RERG: variants seen among roughly 807,000 people sequenced by gnomAD.
RERG encodes the protein RAS like estrogen regulated growth inhibitor.
A neutral mutation model predicts 23.2 loss-of-function variants in RERG; 25 were observed. The ratio of observed to expected loss-of-function variants is 1.08; its 90% CI spans 0.79 to 1.50. RERG has a LOEUF of 1.50. Among genes scored for constraint, RERG ranks in the 40% most tolerant of loss-of-function variants. RERG has a pLI of 0.00. For missense variants in RERG, 253 were observed against 250.1 expected (o/e 1.01, Z -0.08); for synonymous variants, 81 against 89.1 (o/e 0.91, Z 0.51).
At chr12:15,161,034 T>C (rs1591652954) in intron 2 of RERG, among the ~76,000 whole-genome samples, 1 of 151,272 alleles carries the variant, frequency 6.6e-6, no homozygotes, top group African/African-American at 2.4e-5. Context: ...ACCCGGGAGG[T>C]TGAGGCATGA....
At chr12:15,217,394 C>G in intron 2 of RERG, 35 bp downstream of exon 2, 1 of 1,440,830 alleles carries the variant, frequency 6.9e-7, no homozygotes, top group Non-Finnish European at 9.8e-7. Flanking sequence ...CTCACCCACA[C>G]ACACACACTA....
At chr12:15,128,858 C>T (rs1863993030) in intron 2 of RERG, among the ~76,000 whole-genome samples, 1 of 152,188 alleles carries the variant, frequency 6.6e-6, no homozygotes, top group Admixed American at 6.5e-5. Context: ...CCTGTCAAAT[C>T]AAGCCTCCAA....
At chr12:15,166,523 ATGGTGG>A (rs148048968) in intron 2 of RERG, among the ~76,000 whole-genome samples, 2 of 148,838 alleles carry the variant, frequency 1.3e-5, no homozygotes, top group East Asian at 3.9e-4. Context: ...GATGGTGGTG[ATGGTGG>A]TGGTGGTGGT....
chr12:15,153,603 T>C (rs1435657315), intron 2 of RERG, among the ~76,000 whole-genome samples: 3 of 152,094 alleles, frequency 2.0e-5, no homozygotes, highest in African/African-American at 7.2e-5. Flanking sequence ...TTTTATAATA[T>C]AAAGAAAAAG....
intron 2 of RERG, among the ~76,000 whole-genome samples, chr12:15,204,324 G>A (rs1038563019): frequency 6.6e-6 from 1 of 151,716 alleles, no homozygotes; most frequent in African/African-American, 2.4e-5. Context: ...AAAAAGGATA[G>A]TCTCTGCAAC....
chr12:15,112,045 A>G (rs1863629552), intron 3 of RERG, among the ~76,000 whole-genome samples: 1 of 152,218 alleles, frequency 6.6e-6, no homozygotes. Context: ...TTTTCCTTCT[A>G]TAATGAGACC....
At chr12:15,201,212 T>C (rs1463049409) in intron 2 of RERG, among the ~76,000 whole-genome samples, 1 of 151,820 alleles carries the variant, frequency 6.6e-6, no homozygotes, top group Non-Finnish European at 1.5e-5. Context: ...CTAAGTAACA[T>C]GGAAGAGAGG....
chr12:15,139,014 CTTTTTTTTTT>C (rs34755371), intron 2 of RERG, among the ~76,000 whole-genome samples: 19 of 51,116 alleles, frequency 3.7e-4, no homozygotes, highest in East Asian at 1.2e-3. Flanking sequence ...TGTGTCTAGA[CTTTTTTTTTT>C]TTTTTTTTTT....
rs755735884 is a variant in RERG at position 15,109,414 on chromosome 12, T to A, written c.296A>T (p.Lys99Met). ...RGSFEEVLPL[K>M]NILDEIKKPK... The stretch of plus-strand genomic sequence containing the variant: ...CTTTTTGATCTCATCTAGGATGTTC[T>A]TAAGTGGCAGCACTTCCTCAAAACT... Residue 99 changes from lysine (K) to methionine (M), a missense_variant, in exon 5 of 5, where the codon AAG becomes ATG. By Grantham distance (95) the Lys-to-Met change is moderately conservative. Transcript: ENST00000256953. 5 of 1,614,098 alleles carry A rather than the reference T, an allele frequency of 3.1e-6. No individual in the cohort carries two copies. In the South Asian group the frequency reaches 4.4e-5, roughly 14 times the overall value.
At chr12:15,172,306 GAGTA>G (rs992763682) in intron 2 of RERG, among the ~76,000 whole-genome samples, 4 of 152,046 alleles carry the variant, frequency 2.6e-5, no homozygotes, top group Non-Finnish European at 4.4e-5. Flanking sequence ...TAGCATGTTT[GAGTA>G]AGTATTTCTT....
chr12:15,138,013 A>G (rs1864173981), intron 2 of RERG: 2 of 329,680 alleles, frequency 6.1e-6, no homozygotes, highest in Non-Finnish European at 1.2e-5. Context: ...TTCACTTTTG[A>G]AGAGTAATTT....
At chr12:15,110,550 C>T (rs1202968810) in intron 4 of RERG, among the ~76,000 whole-genome samples, 4 of 134,914 alleles carry the variant, frequency 3.0e-5, no homozygotes, top group Non-Finnish European at 6.1e-5. Flanking sequence ...GCGATCTTGG[C>T]TCGCTGCAAG....
At chr12:15,203,697 T>A (rs1411604368) in intron 2 of RERG, among the ~76,000 whole-genome samples, 1 of 151,766 alleles carries the variant, frequency 6.6e-6, no homozygotes, top group South Asian at 2.1e-4. Flanking sequence ...CTCTTAGAAC[T>A]AATAAATGAA....
chr12:15,129,074 G>A (rs914955255), intron 2 of RERG, among the ~76,000 whole-genome samples: 18 of 152,182 alleles, frequency 1.2e-4, no homozygotes, highest in East Asian at 3.8e-4. Flanking sequence ...TCCCAGGACC[G>A]AGTGAGTCCC....
At chr12:15,160,310 G>A (rs11610868) in intron 2 of RERG, among the ~76,000 whole-genome samples, 57,522 of 151,876 alleles carry the variant, frequency 0.38, 10,992 homozygotes, top group Middle Eastern at 0.44. Flanking sequence ...CCATGCGCGG[G>A]TACCGACCAC....
chr12:15,174,101 G>A (rs1864812961), intron 2 of RERG, among the ~76,000 whole-genome samples: 1 of 151,986 alleles, frequency 6.6e-6, no homozygotes, highest in African/African-American at 2.4e-5. Flanking sequence ...TTGTAAGGCA[G>A]TCTTGATAGA....
At chr12:15,203,100 ATCTATGTCT>A (rs1865239693) in intron 2 of RERG, among the ~76,000 whole-genome samples, 1 of 151,666 alleles carries the variant, frequency 6.6e-6, no homozygotes, top group Admixed American at 6.6e-5. Flanking sequence ...TGCTGGCCAT[ATCTATGTCT>A]TCTTTGGAGA....
chr12:15,125,565 C>T (rs117608001), intron 2 of RERG, among the ~76,000 whole-genome samples: 1,705 of 151,878 alleles, frequency 0.011, 12 homozygotes, highest in Middle Eastern at 0.024. Context: ...CATTACCAAG[C>T]CCAGAAAGGT....
At chr12:15,192,634 T>G (rs1206426695) in intron 2 of RERG, among the ~76,000 whole-genome samples, 1 of 152,194 alleles carries the variant, frequency 6.6e-6, no homozygotes, top group Non-Finnish European at 1.5e-5. Flanking sequence ...CTGATTCAAC[T>G]GGATTTCACC....
Sources: allele counts gnomAD v4.1 joint callset (sites outside exome capture counted in the v4.1 genomes callset), GRCh38; gene constraint gnomAD v4.1.1; transcripts MANE v1.5; gene names NCBI Gene and HGNC (gene_info 2026-07-23, HGNC 2026-07-21).